PRKN: variants seen among roughly 807,000 people sequenced by gnomAD.
PRKN encodes E3 ubiquitin-protein ligase parkin.
A neutral mutation model predicts 59.5 loss-of-function variants in PRKN; 56 were observed. The observed-to-expected ratio is 0.94, with a 90% CI of 0.76 to 1.18. The LOEUF (loss-of-function observed/expected upper bound fraction) is 1.18. Among genes scored for constraint, PRKN ranks in the 50% most tolerant of loss-of-function variants. The probability of loss-of-function intolerance (pLI) is 0.00; values close to 1 mark genes in which losing one functional copy is unlikely to be tolerated. For synonymous variants in PRKN, 250 were observed against 222.1 expected, an observed-to-expected ratio of 1.13 and a Z score of -1.12; for missense variants, 657 against 596.4, an observed-to-expected ratio of 1.10 and a Z score of -1.06.
intron 1 of PRKN, among the ~76,000 whole-genome samples, chr6:162,488,931 G>A (rs963695993): frequency 1.3e-5 from 2 of 152,098 alleles, no homozygotes; most frequent in South Asian, 2.1e-4. Flanking sequence ...TACTAAGAAG[G>A]GGGTAAAGGT....
intron 2 of PRKN, among the ~76,000 whole-genome samples, chr6:162,311,457 G>C (rs908854184): frequency 7.1e-6 from 1 of 141,600 alleles, no homozygotes; most frequent in African/African-American, 2.6e-5. Flanking sequence ...ATCTCAACTT[G>C]TTTAAGTAAT....
intron 6 of PRKN, among the ~76,000 whole-genome samples, chr6:161,820,456 ATAATGT>A (rs998887114): frequency 1.3e-5 from 2 of 149,050 alleles, no homozygotes; most frequent in African/African-American, 4.9e-5. Context: ...ATTTTCATTT[ATAATGT>A]TAAAGTTTAT....
intron 4 of PRKN, among the ~76,000 whole-genome samples, chr6:162,095,384 G>A (rs1779683119): frequency 1.3e-5 from 2 of 152,072 alleles, no homozygotes; most frequent in African/African-American, 4.8e-5. Context: ...ATGTTGGCTT[G>A]GAGCTGACTA....
chr6:162,202,224 G>A (rs1395759095), intron 3 of PRKN, among the ~76,000 whole-genome samples: 1 of 151,990 alleles, frequency 6.6e-6, no homozygotes, highest in Non-Finnish European at 1.5e-5. Context: ...CATTTGGAAT[G>A]AAAATCTTCA....
chr6:161,538,793 T>C lies in PRKN; in HGVS notation c.1083+10061A>G, dbSNP rs1364146834. 1.3e-5 allele frequency among the ~76,000 whole-genome samples: 2 copies of C among 152,162 alleles called. No homozygotes were observed. The highest frequency in any genetic ancestry group is 2.9e-5 in the Non-Finnish European group (2 of 68,028). ...ACCTCCCAGGAGCTTGTAGAGAGAT[T>C]TGATTGAATAACTGATCGACTTAGC... On this transcript the variant is annotated intron_variant, in intron 9 of 11. Transcript: ENST00000366898. This position sits in a 1 kb window ranked among gnomAD's most constrained non-coding sequence, Gnocchi z 4.2.
At chr6:162,364,535 GAAGAA>G (rs936050032) in intron 2 of PRKN, among the ~76,000 whole-genome samples, 1 of 152,168 alleles carries the variant, frequency 6.6e-6, no homozygotes, top group African/African-American at 2.4e-5. Context: ...TGGGAGGTCA[GAAGAA>G]AAGGGGCTTC....
chr6:162,553,829 AAAAAAAAAAAAAAAAAAAAG>A (rs1367413730), intron 1 of PRKN, among the ~76,000 whole-genome samples: 3,745 of 29,094 alleles, frequency 0.13, 790 homozygotes, highest in Non-Finnish European at 0.17. Flanking sequence ...AAAAAAAAAA[AAAAAAAAAAAAAAAAAAAAG>A]GGTAAAAGTG....
intron 7 of PRKN, among the ~76,000 whole-genome samples, chr6:161,670,582 G>A (rs1290272090): frequency 2.0e-5 from 3 of 152,264 alleles, no homozygotes; most frequent in Non-Finnish European, 2.9e-5. Context: ...TTGGGAGGCC[G>A]AGGCGGGTGG....
chr6:162,055,328 CA>C, intron 4 of PRKN, among the ~76,000 whole-genome samples: 1 of 152,266 alleles, frequency 6.6e-6, no homozygotes, highest in African/African-American at 2.4e-5. Context: ...TAACTTGCAG[CA>C]ATACCTTCAA....
chr6:162,162,306 G>T (rs979807881), intron 4 of PRKN, among the ~76,000 whole-genome samples: 9 of 152,264 alleles, frequency 5.9e-5, no homozygotes, highest in African/African-American at 2.2e-4. Flanking sequence ...ATCCAGAGAT[G>T]ATGTAAAATA....
intron 9 of PRKN, among the ~76,000 whole-genome samples, chr6:161,449,226 G>A (rs1232568452): frequency 6.6e-6 from 1 of 152,154 alleles, no homozygotes; most frequent in Admixed American, 6.5e-5. Flanking sequence ...TTCAAAATCT[G>A]ATATTGGATT....
chr6:161,971,476 C>T (rs1051205531), intron 6 of PRKN, among the ~76,000 whole-genome samples: 2 of 152,208 alleles, frequency 1.3e-5, no homozygotes, highest in African/African-American at 2.4e-5. Flanking sequence ...GTCAAGCCCT[C>T]GCTTTTAGCA....
rs1790021844 is a variant in PRKN, at chr6:161,457,398, T to TA, written c.1084-70522dup. Among the ~76,000 whole-genome samples the TA allele has an allele frequency of 6.6e-6, 1 of 152,110 alleles. No homozygotes were observed. The highest frequency in any genetic ancestry group is 1.5e-5 in the Non-Finnish European group (1 of 68,012). ...AGTAATTTCTACTGAAAACATCAAA[T>TA]AAAAAAGCTACTACTTTAATAGAAA... On this transcript the variant is annotated intron_variant, in intron 9 of 11. Transcript: ENST00000366898. This position sits in a 1 kb window ranked among gnomAD's most constrained non-coding sequence, Gnocchi z 5.0.
At chr6:162,387,313 A>C (rs1786883908) in intron 2 of PRKN, among the ~76,000 whole-genome samples, 1 of 151,344 alleles carries the variant, frequency 6.6e-6, no homozygotes, top group South Asian at 2.1e-4. Flanking sequence ...AAAGGTTATT[A>C]TTCTCAACAA....
Position 161,497,577 on chromosome 6 carries a change from T to TCTCTCTCA in PRKN, c.1083+51276_1083+51277insTGAGAGAG, listed in dbSNP as rs369404858. Among the ~76,000 whole-genome samples the TCTCTCTCA allele has an allele frequency of 1.6e-4, 24 of 147,388 alleles. No homozygotes were observed. Among genetic ancestry groups the TCTCTCTCA allele is most frequent in the African/African-American group, 4.3e-4 (17 of 39,682 alleles). On this transcript the variant is annotated intron_variant, in intron 9 of 11. Transcript: ENST00000366898. This position sits in a 1 kb window ranked among gnomAD's most constrained non-coding sequence, Gnocchi z 4.6. Reference sequence around the variant, plus strand: ...ATGTCTCTCTCTCTCTCTCTCTCTCTCACACACACACACACACACACCATA... The same window carrying TCTCTCTCA: ...ATGTCTCTCTCTCTCTCTCTCTCTCTCTCTCTCACACACACACACACACACACACCATA...
intron 1 of PRKN, among the ~76,000 whole-genome samples, chr6:162,462,465 C>A (rs190569564): frequency 6.6e-6 from 1 of 152,192 alleles, no homozygotes; most frequent in African/African-American, 2.4e-5. Flanking sequence ...TTCATTTCAA[C>A]CTGGCTTTTA....
chr6:162,235,983 A>AAGAAAG lies in PRKN; in HGVS notation c.412+26536_412+26541dup, dbSNP rs1562602537. ...GAAGAAAGAAAGAAAGAAAGAAAGA[A>AAGAAAG]AGAAAGAAAGAAAGAAAGAAAGAAA... On this transcript the variant is annotated intron_variant, in intron 3 of 11. Coordinates refer to ENST00000366898, the MANE Select transcript of PRKN (RefSeq NM_004562.3). 5.0e-4 allele frequency among the ~76,000 whole-genome samples: 54 copies of AAGAAAG among 108,148 alleles called. 1 individual carries two copies. Among genetic ancestry groups the AAGAAAG allele is most frequent in the African/African-American group, 2.2e-3 (53 of 23,732 alleles). The allele number at this position is 108,148 out of a possible 152,430, so 70.9% of individuals were successfully genotyped here.
intron 7 of PRKN, among the ~76,000 whole-genome samples, chr6:161,654,640 G>A (rs16892843): frequency 0.076 from 11,595 of 152,178 alleles, 1,537 homozygotes; most frequent in African/African-American, 0.27. Context: ...AAATTGCTTC[G>A]GATGCAGACA....
intron 6 of PRKN, among the ~76,000 whole-genome samples, chr6:161,852,484 C>G (rs1380038287): frequency 6.6e-6 from 1 of 152,036 alleles, no homozygotes; most frequent in South Asian, 2.1e-4. Context: ...TATGCCATCA[C>G]ACACACACAA....
Sources: gnomAD v4.1 joint callset for allele counts (sites outside exome capture counted in the v4.1 genomes callset) on GRCh38, gnomAD v4.1.1 for gene constraint, Gnocchi (gnomAD v3.1) non-coding constraint, MANE v1.5 for transcripts, NCBI Gene and HGNC (gene_info 2026-07-23, HGNC 2026-07-21) for gene names.